Variants in STOM observed in about 807,000 individuals in gnomAD.
The protein encoded by STOM is erythrocyte band 7 integral membrane protein.
Under a neutral mutation model 30.6 loss-of-function variants are expected in STOM, and 25 were observed. The observed-to-expected ratio is 0.82, with a 90% CI of 0.60 to 1.14. STOM has a LOEUF of 1.14. Ranked by LOEUF, STOM falls within the 50% of genes most tolerant of loss-of-function variation. STOM has a pLI of 0.00. For missense variants in STOM, 292 were observed against 365.2 expected (o/e 0.80, Z 1.63); for synonymous variants, 118 against 130.8 (o/e 0.90, Z 0.67).
intron 4 of STOM, among the ~76,000 whole-genome samples, chr9:121,350,222 A>C (rs2064326962): frequency 6.6e-6 from 1 of 152,220 alleles, no homozygotes; most frequent in African/African-American, 2.4e-5. Context: ...CAGGAGGCTG[A>C]GGCAGGAAGA....
intron 6 of STOM, among the ~76,000 whole-genome samples, chr9:121,347,771 C>G (rs1564628016): frequency 6.6e-6 from 1 of 152,180 alleles, no homozygotes; most frequent in Non-Finnish European, 1.5e-5. Context: ...TATAACCCTA[C>G]TTTTGTAAAA....
rs531385352 is a variant in STOM, at chr9:121,360,440, A to C, written c.62-4284T>G. Among the ~76,000 whole-genome samples, 142 of 152,208 alleles carry C rather than the reference A, an allele frequency of 9.3e-4. 1 individual carries two copies. Among genetic ancestry groups the C allele is most frequent in the South Asian group, 3.3e-3 (16 of 4,824 alleles). ...TAACTATGTTTGAATTTCACTTCTG[A>C]TACTTCTTAGTTGCATGATCTTTAC... On this transcript the variant is annotated intron_variant, in intron 1 of 6. Coordinates refer to ENST00000286713, the MANE Select transcript of STOM (RefSeq NM_004099.6).
chr9:121,360,868 G>A (rs1422314952), intron 1 of STOM, among the ~76,000 whole-genome samples: 4 of 152,184 alleles, frequency 2.6e-5, no homozygotes, highest in African/African-American at 4.8e-5. Flanking sequence ...AAGGAATTAA[G>A]TACACATTTT....
intron 1 of STOM, among the ~76,000 whole-genome samples, chr9:121,363,721 A>G (rs2064476342): frequency 6.6e-6 from 1 of 152,248 alleles, no homozygotes; most frequent in Non-Finnish European, 1.5e-5. Context: ...CTAGATTTGG[A>G]CAATGGGCTG....
chr9:121,345,753 GA>G (rs2064283679), intron 6 of STOM, among the ~76,000 whole-genome samples: 3 of 152,170 alleles, frequency 2.0e-5, no homozygotes, highest in Non-Finnish European at 2.9e-5. Flanking sequence ...AGGGAAGATA[GA>G]AATTTTCTTT....
Position 121,357,441 on chromosome 9 carries a change from T to TATATATA in STOM, c.62-1286_62-1285insTATATAT, listed in dbSNP as rs1564631312. 1.0e-3 allele frequency among the ~76,000 whole-genome samples: 76 copies of TATATATA among 74,106 alleles called. 3 individuals are homozygous for TATATATA. Among genetic ancestry groups the TATATATA allele is most frequent in the East Asian group, 4.4e-3 (9 of 2,046 alleles). The allele number at this position is 74,106 out of a possible 152,430, so 48.6% of individuals were successfully genotyped here. ...TTTTAAATGATATATATATATATAT[T>TATATATA]TATTTATTTATTTTTTGAGACAGAG... On this transcript the variant is annotated intron_variant, in intron 1 of 6. Coordinates refer to ENST00000286713, the MANE Select transcript of STOM (RefSeq NM_004099.6).
At chr9:121,352,721 G>A (rs1017750032) in intron 4 of STOM, among the ~76,000 whole-genome samples, 1 of 152,316 alleles carries the variant, frequency 6.6e-6, no homozygotes. Context: ...TTTTCTGGAT[G>A]AGGAAACTGA....
chr9:121,341,687 T>C (rs894948324), intron 6 of STOM, among the ~76,000 whole-genome samples: 1 of 152,234 alleles, frequency 6.6e-6, no homozygotes, highest in African/African-American at 2.4e-5. Context: ...TTCAAAATAC[T>C]GTGCAGGATT....
Position 121,339,549 on chromosome 9 carries a change from T to C in STOM, c.*1653A>G, listed in dbSNP as rs573051338. The C allele has an allele frequency of 4.1e-6, 5 of 1,230,600 alleles. No homozygotes were observed. The Admixed American group carries it at 1.7e-4, about 42-fold the overall frequency. The allele number at this position is 1,230,600 out of a possible 1,614,324, so 76.2% of individuals were successfully genotyped here. On this transcript the variant is annotated 3_prime_UTR_variant, in exon 7 of 7. Coordinates refer to ENST00000286713, the MANE Select transcript of STOM (RefSeq NM_004099.6). The stretch of plus-strand genomic sequence containing the variant: ...TCCATTGGCTGGATGGACAGAGTGG[T>C]TGAGCTAAAGAGAGCTATAAAGGCT...
At chr9:121,355,048 T>C (rs1402545688) in intron 2 of STOM, among the ~76,000 whole-genome samples, 2 of 151,718 alleles carry the variant, frequency 1.3e-5, no homozygotes, top group Non-Finnish European at 2.9e-5. Context: ...TCACGGAGGT[T>C]AGGAGTTCAA....
chr9:121,341,324 G>A lies in STOM; in HGVS notation c.745C>T (p.Gln249Ter). 6.2e-7 allele frequency: 1 copy of A among 1,614,182 alleles called. No individual in the cohort carries two copies. The highest frequency in any genetic ancestry group is 8.5e-7 in the Non-Finnish European group (1 of 1,180,030). The change falls in exon 7 of 7, where the codon CAG becomes TAG. Residue 249 changes from glutamine to a stop codon, truncating the protein, a stop_gained. Transcript: ENST00000286713. LOFTEE classifies it high-confidence loss of function. The part of the protein sequence containing the change: ...MVITESPAAL[Q>*]LRYLQTLTTI... ...GTCAGTGTCTGCAGGTATCGGAGCT[G>A]AAGGGCTGCAGGAGATTCAGTGATG...
intron 1 of STOM, among the ~76,000 whole-genome samples, chr9:121,361,936 T>C (rs2064457198): frequency 6.6e-6 from 1 of 152,218 alleles, no homozygotes; most frequent in South Asian, 2.1e-4. Context: ...AGATCCCTCA[T>C]ATGTGCAGTT....
intron 3 of STOM, 70 bp downstream of exon 3, chr9:121,354,531 C>T: frequency 7.7e-7 from 1 of 1,298,458 alleles, no homozygotes; most frequent in Non-Finnish European, 1.1e-6. Context: ...AAAAAAACAA[C>T]TACCTAAAAA....
In STOM at chr9:121,341,397, G is replaced by A. The variant is rs769270672; in HGVS notation, c.672C>T (p.Ala224=). 1.1e-5 allele frequency: 18 copies of A among 1,612,902 alleles called. No individual in the cohort carries two copies. The highest frequency in any genetic ancestry group is 4.5e-5 in the East Asian group (2 of 44,892). ...CCCTGGATGCATTCATTTCTCCTTCGGCTGCAATAACCTATGGACAGGTGA... is the reference window on the plus strand; with the variant it reads ...CCCTGGATGCATTCATTTCTCCTTCAGCTGCAATAACCTATGGACAGGTGA... ...SREARAKVIA[A]EGEMNASRAL... is the part of the protein sequence containing the mutation. Residue 224 remains alanine, a synonymous_variant, in exon 7 of 7, where the codon GCC becomes GCT. Transcript: ENST00000286713.
At chr9:121,365,141 GA>G (rs909059114) in intron 1 of STOM, among the ~76,000 whole-genome samples, 9 of 145,604 alleles carry the variant, frequency 6.2e-5, no homozygotes, top group Admixed American at 1.4e-4. Flanking sequence ...TTGGGGAAAA[GA>G]AAAAAAAAAG....
At position 121,340,055 on chromosome 9, in the gene STOM, G is replaced by C. The variant is rs1027222932; in HGVS notation, c.*1147C>G. On this transcript the variant is annotated 3_prime_UTR_variant, in exon 7 of 7. Coordinates refer to ENST00000286713, the MANE Select transcript of STOM (RefSeq NM_004099.6). The stretch of plus-strand genomic sequence containing the variant: ...TTTTAGTCCTTCAGCTATTCAAATA[G>C]ATATATAACAATTGCATATAGAACG... 1 of 972,858 alleles carries C rather than the reference G, an allele frequency of 1.0e-6. No homozygotes were observed. The highest frequency in any genetic ancestry group is 1.2e-6 in the Non-Finnish European group (1 of 818,520). 60.3% of individuals were successfully genotyped at this position (972,858 alleles called of 1,614,324 possible). A position where few individuals can be genotyped will look rare whatever the true frequency, so the allele number is the denominator to read the frequency against.
chr9:121,345,517 C>T (rs10818529), intron 6 of STOM, among the ~76,000 whole-genome samples: 14,573 of 152,068 alleles, frequency 0.096, 1,071 homozygotes, highest in African/African-American at 0.2. Context: ...AACTGTGACC[C>T]CCCTATTTTC....
chr9:121,364,827 T>C (rs1405449134), intron 1 of STOM, among the ~76,000 whole-genome samples: 1 of 152,184 alleles, frequency 6.6e-6, no homozygotes, highest in Non-Finnish European at 1.5e-5. Context: ...TAAAACAACA[T>C]TTATCACACT....
chr9:121,358,105 A>G (rs946363906), intron 1 of STOM, among the ~76,000 whole-genome samples: 2 of 151,734 alleles, frequency 1.3e-5, no homozygotes, highest in Admixed American at 1.3e-4. Context: ...GTTTGAGACT[A>G]GCTTGGGCAA....
Sources: gnomAD v4.1 joint callset for allele counts (sites outside exome capture counted in the v4.1 genomes callset) on GRCh38, gnomAD v4.1.1 for gene constraint, MANE v1.5 for transcripts, NCBI Gene and HGNC (gene_info 2026-07-23, HGNC 2026-07-21) for gene names.